OTOG: variants seen among roughly 807,000 people sequenced by gnomAD.
OTOG encodes otogelin.
In OTOG, 296 loss-of-function variants were observed where a neutral mutation model predicts 313.8. That is an observed-to-expected ratio of 0.94 (90% CI 0.86 to 1.04). The LOEUF is 1.04. Among genes scored for constraint, OTOG ranks in the 50% least tolerant of loss-of-function variants. OTOG has a pLI of 0.00. For synonymous variants in OTOG, 1,533 were observed against 1,554.9 expected, an observed-to-expected ratio of 0.99 and a Z score of 0.33; for missense variants, 3,948 against 3,840.1, an observed-to-expected ratio of 1.03 and a Z score of -0.74.
Position 17,609,162 on chromosome 11 carries a change from C to G in OTOG, c.4307C>G (p.Pro1436Arg). ...GGCTGTGTCCCTGTGTGCCCCACCCCCCAGGTCCTGGATGAAGTCACACAG... is the reference window on the plus strand; with the variant it reads ...GGCTGTGTCCCTGTGTGCCCCACCCGCCAGGTCCTGGATGAAGTCACACAG... ...VEGCVPVCPT[P>R]QVLDEVTQRC... The change falls in exon 35 of 56, where the codon CCC becomes CGC. Residue 1436 changes from proline to arginine, a missense_variant. By Grantham distance (103) the Pro-to-Arg change is moderately radical. Transcript: ENST00000399397. 6.4e-7 allele frequency: 1 copy of G among 1,550,540 alleles called. No homozygotes were observed. The highest frequency in any genetic ancestry group is 8.7e-7 in the Non-Finnish European group (1 of 1,146,926).
intron 39 of OTOG, among the ~76,000 whole-genome samples, chr11:17,624,954 G>T (rs546040651): frequency 6.6e-6 from 1 of 152,076 alleles, no homozygotes; most frequent in East Asian, 1.9e-4. Flanking sequence ...TTGGCTCTCG[G>T]CTTAGCTATT....
intron 13 of OTOG, 111 bp downstream of exon 13, chr11:17,560,928 C>T (rs570395654): frequency 8.5e-7 from 1 of 1,175,182 alleles, no homozygotes; most frequent in Non-Finnish European, 1.2e-6. Flanking sequence ...TCACTCAGTA[C>T]CTTTGAGTCC....
At chr11:17,570,160 C>A in intron 16 of OTOG, 53 bp from the exon 17 acceptor site, 1 of 1,461,940 alleles carries the variant, frequency 6.8e-7, no homozygotes, top group Non-Finnish European at 9.3e-7. Context: ...TGGTGGTGGG[C>A]GGGGTGTGTA....
intron 10 of OTOG, 143 bp downstream of exon 10, chr11:17,558,787 A>G: frequency 1.1e-6 from 1 of 949,668 alleles, no homozygotes; most frequent in Non-Finnish European, 1.6e-6. Context: ...TAGGTGGGAC[A>G]GAGCTGCCCC....
intron 19 of OTOG, 88 bp from the exon 20 acceptor site, chr11:17,574,632 C>T (rs1467060197): frequency 7.7e-7 from 1 of 1,297,014 alleles, no homozygotes; most frequent in Admixed American, 2.4e-5. Context: ...CTCTGGATCT[C>T]CATTCTCCTC....
At chr11:17,625,863 G>T (rs1336129988) in intron 39 of OTOG, among the ~76,000 whole-genome samples, 1 of 152,134 alleles carries the variant, frequency 6.6e-6, no homozygotes, top group African/African-American at 2.4e-5. Context: ...TATTATTCAA[G>T]AAATTTTTGC....
intron 33 of OTOG, among the ~76,000 whole-genome samples, chr11:17,607,622 T>C (rs1853420757): frequency 1.3e-5 from 2 of 152,194 alleles, no homozygotes; most frequent in African/African-American, 4.8e-5. Flanking sequence ...TGTTTAAGAG[T>C]TAGCCCAGCC....
At position 17,645,514 on chromosome 11, in the gene OTOG, C is replaced by A. The variant is rs754546294; in HGVS notation, c.8462-50C>A. On this transcript the variant is annotated intron_variant, in intron 54 of 55. Coordinates refer to ENST00000399397, the MANE Select transcript of OTOG (RefSeq NM_001292063.2). The stretch of plus-strand genomic sequence containing the variant: ...CCTGGGCTGGCCCATCCTGCTGCCC[C>A]GAAGAAGCCTGGTCTTGGCCACAGC... 9.8e-6 allele frequency: 15 copies of A among 1,531,682 alleles called. No homozygotes were observed. In the African/African-American group the frequency reaches 1.9e-4, roughly 20 times the overall value. 94.9% of individuals were successfully genotyped at this position (1,531,682 alleles called of 1,614,324 possible).
intron 26 of OTOG, 37 bp from the exon 27 acceptor site, chr11:17,593,573 C>T (rs1200993970): frequency 1.3e-6 from 2 of 1,542,880 alleles, no homozygotes; most frequent in Admixed American, 2.0e-5. Flanking sequence ...CGCTAGGGGG[C>T]ACTTGGGCTC....
chr11:17,561,458 C>T (rs1465018710), intron 14 of OTOG, among the ~76,000 whole-genome samples: 2 of 152,190 alleles, frequency 1.3e-5, no homozygotes, highest in Non-Finnish European at 2.9e-5. Context: ...ATCCCCAGGG[C>T]AGGGCTGTAC....
chr11:17,609,653 A>G lies in OTOG; in HGVS notation c.4355-2A>G. 1 of 1,479,888 alleles carries G rather than the reference A, an allele frequency of 6.8e-7. No homozygotes were observed. Among genetic ancestry groups the G allele is most frequent in the Non-Finnish European group, 9.0e-7 (1 of 1,110,648 alleles). 91.7% of individuals were successfully genotyped at this position (1,479,888 alleles called of 1,614,324 possible). ...TCTGAACCTCTTCTTTTGTCTCCGCAGGTGTGGAGCCAGCAGTTTGGGTTC... is the reference window on the plus strand; with the variant it reads ...TCTGAACCTCTTCTTTTGTCTCCGCGGGTGTGGAGCCAGCAGTTTGGGTTC... On this transcript the variant is annotated splice_acceptor_variant, in intron 35 of 55. Transcript: ENST00000399397. LOFTEE classifies it high-confidence loss of function.
At chr11:17,616,655 T>C (rs1853727654) in intron 39 of OTOG, among the ~76,000 whole-genome samples, 1 of 152,220 alleles carries the variant, frequency 6.6e-6, no homozygotes. Context: ...AATTGTGTTG[T>C]TTTTGTTTCA....
intron 1 of OTOG, 56 bp downstream of exon 1, chr11:17,547,522 A>C: frequency 3.1e-6 from 4 of 1,298,210 alleles, no homozygotes; most frequent in Non-Finnish European, 3.9e-6. Context: ...GAAACGTTAA[A>C]GGAATGAGGA....
chr11:17,559,201 C>A, intron 11 of OTOG, 40 bp downstream of exon 11: 1 of 1,411,100 alleles, frequency 7.1e-7, no homozygotes, highest in Admixed American at 2.1e-5. Flanking sequence ...GGCCTTCAGG[C>A]TGTGGGTGGC....
intron 3 of OTOG, among the ~76,000 whole-genome samples, chr11:17,550,447 C>T (rs997471696): frequency 9.9e-5 from 15 of 152,156 alleles, no homozygotes; most frequent in African/African-American, 2.9e-4. Context: ...ACTAAATTAT[C>T]TAAGGGGTTC....
At chr11:17,580,397 T>C (rs186391970) in intron 23 of OTOG, among the ~76,000 whole-genome samples, 28 of 152,382 alleles carry the variant, frequency 1.8e-4, no homozygotes, top group Admixed American at 1.1e-3. Flanking sequence ...TTTCTTCTCA[T>C]CTGGATCCCA....
At position 17,562,390 on chromosome 11, in the gene OTOG, C is replaced by T. The variant is rs75569623; in HGVS notation, c.1644+583C>T. On this transcript the variant is annotated intron_variant, in intron 15 of 55. Transcript: ENST00000399397. ...TTCCACAATTTTTGAAAAAGTACACCGTTTTTCACTGCTATGGTCTTTATA... is the reference window on the plus strand; with the variant it reads ...TTCCACAATTTTTGAAAAAGTACACTGTTTTTCACTGCTATGGTCTTTATA... Among the ~76,000 whole-genome samples the T allele has an allele frequency of 4.4e-3, 675 of 151,928 alleles. 5 individuals are homozygous for T. The highest frequency in any genetic ancestry group is 0.015 in the African/African-American group (618 of 41,424).
At chr11:17,640,853 C>A (rs774718989) in intron 50 of OTOG, 33 bp downstream of exon 50, 79 of 1,549,808 alleles carry the variant, frequency 5.1e-5, no homozygotes, top group Non-Finnish European at 6.7e-5. Flanking sequence ...CAGAGCCATG[C>A]AGGAGGGGCA....
chr11:17,617,698 C>G (rs1469001253), intron 39 of OTOG, among the ~76,000 whole-genome samples: 4 of 152,108 alleles, frequency 2.6e-5, no homozygotes, highest in Non-Finnish European at 5.9e-5. Context: ...TCTCTCTTTT[C>G]CCTGACTAGC....
Sources: allele counts gnomAD v4.1 joint callset (sites outside exome capture counted in the v4.1 genomes callset), GRCh38; gene constraint gnomAD v4.1.1; transcripts MANE v1.5; gene names NCBI Gene and HGNC (gene_info 2026-07-23, HGNC 2026-07-21).